HMCN1: variants seen among roughly 807,000 people sequenced by gnomAD.
HMCN1 encodes the protein hemicentin-1.
In HMCN1, 321 loss-of-function variants were observed where a neutral mutation model predicts 625.9. That is an observed-to-expected ratio of 0.51 (90% confidence interval 0.47 to 0.56). HMCN1 has a LOEUF of 0.56. Among genes scored for constraint, HMCN1 ranks in the 20% least tolerant of loss-of-function variants. The pLI is 0.00. For synonymous variants in HMCN1, 2,425 were observed against 2,417.6 expected (o/e 1.00, Z -0.09); for missense variants, 6,588 against 6,887.3 (o/e 0.96, Z 1.54).
Position 186,151,374 on chromosome 1 carries a change from T to C in HMCN1, c.14758+25T>C, listed in dbSNP as rs772165987. The C allele has an allele frequency of 1.9e-6, 3 of 1,601,030 alleles. No individual in the cohort carries two copies. The South Asian group carries it at 3.3e-5, about 18-fold the overall frequency. Reference sequence around the variant, plus strand: ...GGTAAGTCTTTGCCTCAAGCCTCTTTTTAAAAACTTATATATTATTCTTCA... The same window carrying C: ...GGTAAGTCTTTGCCTCAAGCCTCTTCTTAAAAACTTATATATTATTCTTCA... On this transcript the variant is annotated intron_variant, in intron 94 of 106. Transcript: ENST00000271588.
chr1:186,097,258 A>G (rs1660178288), intron 68 of HMCN1, among the ~76,000 whole-genome samples: 1 of 152,174 alleles, frequency 6.6e-6, no homozygotes, highest in Non-Finnish European at 1.5e-5. Context: ...CTGAAAAAGA[A>G]ATCAAGAAAA....
chr1:186,188,060 A>T (rs1653465009), intron 106 of HMCN1, 51 bp downstream of exon 106: 10 of 1,605,478 alleles, frequency 6.2e-6, no homozygotes, highest in Non-Finnish European at 8.5e-6. Context: ...CCTTCCTCCC[A>T]CTCCTTGACC....
chr1:186,064,445 C>A (rs1422176403), intron 48 of HMCN1, among the ~76,000 whole-genome samples: 1 of 151,930 alleles, frequency 6.6e-6, no homozygotes, highest in Non-Finnish European at 1.5e-5. Flanking sequence ...CTCAAAATAT[C>A]TGCATGTTGA....
chr1:185,968,338 A>G (rs2102571493), intron 14 of HMCN1, among the ~76,000 whole-genome samples: 1 of 152,144 alleles, frequency 6.6e-6, no homozygotes, highest in South Asian at 2.1e-4. Context: ...AAAATGTGAA[A>G]CACTGCCACT....
chr1:185,931,768 G>C (rs1273716342), intron 10 of HMCN1, among the ~76,000 whole-genome samples: 4 of 152,132 alleles, frequency 2.6e-5, no homozygotes, highest in Non-Finnish European at 5.9e-5. Flanking sequence ...GATGTGGGCA[G>C]CACTGGAAAG....
intron 29 of HMCN1, among the ~76,000 whole-genome samples, chr1:186,005,604 A>T (rs541040089): frequency 2.2e-4 from 34 of 152,156 alleles, no homozygotes; most frequent in South Asian, 1.4e-3. Flanking sequence ...AATGTGTTTA[A>T]TTTTGTTAAA....
chr1:186,068,091 A>G (rs1658242974), intron 50 of HMCN1, 84 bp downstream of exon 50: 1 of 1,253,764 alleles, frequency 8.0e-7, no homozygotes, highest in Non-Finnish European at 1.2e-6. Flanking sequence ...ACTTTTTATA[A>G]AAACACCAAT....
rs1197284834 is a variant in HMCN1, at chr1:185,889,409, C to T, written c.622-19928C>T. 4.7e-3 allele frequency among the ~76,000 whole-genome samples: 679 copies of T among 143,820 alleles called. 7 individuals carry two copies. Among genetic ancestry groups the T allele is most frequent in the African/African-American group, 0.019 (638 of 33,504 alleles). The allele number at this position is 143,820 out of a possible 152,430, so 94.4% of individuals were successfully genotyped here. A position where few individuals can be genotyped will look rare whatever the true frequency, so the allele number is the denominator to read the frequency against. ...TGCCAGTATTCAAAGGGAATGCTTC[C>T]AGTTTTTGTCCATTCAGTATGATAC... On this transcript the variant is annotated intron_variant, in intron 4 of 106. Transcript: ENST00000271588.
intron 1 of HMCN1, among the ~76,000 whole-genome samples, chr1:185,786,689 G>A (rs1657592694): frequency 6.6e-6 from 1 of 152,170 alleles, no homozygotes; most frequent in Non-Finnish European, 1.5e-5. Flanking sequence ...ACTATTTGAA[G>A]AAGAACACAT....
Position 186,136,767 on chromosome 1 carries a change from T to C in HMCN1, c.13412T>C (p.Ile4471Thr). The change falls in exon 87 of 107, where the codon ATT becomes ACT. Residue 4471 changes from isoleucine (I) to threonine (T), a missense_variant. This residue lies in a region of HMCN1 where 1,954 missense variants were observed against 2,013.1 expected (regional missense o/e 0.97). Coordinates refer to ENST00000271588, the MANE Select transcript of HMCN1 (RefSeq NM_031935.3). The part of the protein sequence containing the change: ...CQATGEPQPT[I>T]TWSRQGHSIS... ...GCAACTGGAGAGCCTCAACCAACCA[T>C]TACATGGTCCCGTCAAGGGCACTCT... 1.2e-6 allele frequency: 2 copies of C among 1,614,038 alleles called. No homozygotes were observed. The highest frequency in any genetic ancestry group is 1.7e-6 in the Non-Finnish European group (2 of 1,179,960).
intron 1 of HMCN1, 57 bp downstream of exon 1, chr1:185,735,104 A>G: frequency 6.5e-7 from 1 of 1,533,112 alleles, no homozygotes; most frequent in Admixed American, 1.7e-5. Context: ...ATTATTTCTC[A>G]TGCTGTGAAT....
At chr1:185,754,743 G>A (rs2102103775) in intron 1 of HMCN1, among the ~76,000 whole-genome samples, 1 of 152,216 alleles carries the variant, frequency 6.6e-6, no homozygotes, top group East Asian at 1.9e-4. Context: ...AGCTACTTGG[G>A]AGGCTGAGGC....
chr1:185,748,087 T>C (rs918936121), intron 1 of HMCN1, among the ~76,000 whole-genome samples: 6 of 150,482 alleles, frequency 4.0e-5, no homozygotes, highest in African/African-American at 1.5e-4. Flanking sequence ...GAAAATACAT[T>C]ATTTCACTAA....
At chr1:186,032,317 C>A (rs967963728) in intron 36 of HMCN1, among the ~76,000 whole-genome samples, 1 of 152,004 alleles carries the variant, frequency 6.6e-6, no homozygotes, top group African/African-American at 2.4e-5. Flanking sequence ...AAAAACTCGA[C>A]ATCATTCATC....
Position 185,922,383 on chromosome 1 carries a change from C to G in HMCN1, c.905C>G (p.Ser302Ter), listed in dbSNP as rs1237680654. The G allele has an allele frequency of 6.2e-7, 1 of 1,613,432 alleles. No individual in the cohort carries two copies. The highest frequency in any genetic ancestry group is 1.1e-5 in the South Asian group (1 of 91,058). ...PEAGMWTVKT[S>*]SSGRHSVRIT... ...TTTGTCATTAAACATTTTCAGACCT[C>G]AAGCAGTGGAAGGCACTCTGTTCGC... Residue 302 changes from serine to a stop codon, truncating the protein, a stop_gained, in exon 7 of 107, where the codon TCA (serine) becomes TGA (stop). Transcript: ENST00000271588. LOFTEE classifies it high-confidence loss of function.
intron 1 of HMCN1, among the ~76,000 whole-genome samples, chr1:185,824,581 G>C (rs1203097469): frequency 6.6e-6 from 1 of 152,096 alleles, no homozygotes; most frequent in Non-Finnish European, 1.5e-5. Context: ...CACTATATTG[G>C]TTGTAGGCAT....
At chr1:185,891,493 T>C (rs964827452) in intron 4 of HMCN1, among the ~76,000 whole-genome samples, 2 of 148,204 alleles carry the variant, frequency 1.3e-5, no homozygotes, top group Admixed American at 6.6e-5. Flanking sequence ...GGAGCTCTTT[T>C]AGGGCAGGCC....
intron 102 of HMCN1, among the ~76,000 whole-genome samples, chr1:186,172,890 T>C (rs1652320367): frequency 6.6e-6 from 1 of 152,050 alleles, no homozygotes; most frequent in African/African-American, 2.4e-5. Context: ...TCTACAGGAA[T>C]ACCCAAGAGA....
At chr1:186,037,000 A>T (rs1377854364) in intron 36 of HMCN1, among the ~76,000 whole-genome samples, 1 of 152,082 alleles carries the variant, frequency 6.6e-6, no homozygotes, top group Non-Finnish European at 1.5e-5. Context: ...TATTTCTGCC[A>T]TCTTACTTAT....
Sources: gnomAD v4.1 joint callset for allele counts (sites outside exome capture counted in the v4.1 genomes callset) on GRCh38, gnomAD v4.1.1 for gene constraint, gnomAD v4.1.1 regional missense constraint, MANE v1.5 for transcripts, NCBI Gene and HGNC (gene_info 2026-07-23, HGNC 2026-07-21) for gene names.